Variants in RABEP2 observed in about 807,000 individuals in gnomAD.
RABEP2 encodes rab GTPase-binding effector protein 2.
RABEP2 carries 57 observed loss-of-function variants against 74.1 expected under a neutral mutation model. The ratio of observed to expected loss-of-function variants is 0.77; its 90% CI spans 0.62 to 0.96. The LOEUF (loss-of-function observed/expected upper bound fraction) is 0.96, where lower values mean the gene tolerates loss of function less well. Among genes scored for constraint, RABEP2 ranks in the 40% least tolerant of loss-of-function variants. The pLI is 0.00. For synonymous variants in RABEP2, 351 were observed against 344.0 expected (o/e 1.02, Z -0.23); for missense variants, 692 against 756.3 (o/e 0.91, Z 1.00).
intron 5 of RABEP2, among the ~76,000 whole-genome samples, chr16:28,912,253 A>C (rs1964324318): frequency 6.6e-6 from 1 of 151,680 alleles, no homozygotes. Flanking sequence ...TCTCAAAAAA[A>C]AAAAAAGTGG....
At chr16:28,920,315 T>G (rs1199001735) in intron 2 of RABEP2, among the ~76,000 whole-genome samples, 1 of 151,672 alleles carries the variant, frequency 6.6e-6, no homozygotes, top group Non-Finnish European at 1.5e-5. Context: ...TTCCTATTAA[T>G]ATATACCAGG....
chr16:28,913,348 G>A (rs1163444430), intron 5 of RABEP2, among the ~76,000 whole-genome samples: 1 of 151,908 alleles, frequency 6.6e-6, no homozygotes, highest in Non-Finnish European at 1.5e-5. Flanking sequence ...TTTTTCTCTG[G>A]GCATCTCCCT....
At position 28,904,878 on chromosome 16, in the gene RABEP2, G is replaced by A. The variant is rs116913867; in HGVS notation, c.*65C>T. 2,355 of 1,230,350 alleles carry A rather than the reference G, an allele frequency of 1.9e-3. 48 individuals are homozygous for A. In the East Asian group the frequency reaches 0.04, roughly 21 times the overall value. The allele number at this position is 1,230,350 out of a possible 1,614,324, so 76.2% of individuals were successfully genotyped here. On this transcript the variant is annotated 3_prime_UTR_variant, in exon 13 of 13. Coordinates refer to ENST00000358201, the MANE Select transcript of RABEP2 (RefSeq NM_024816.3). ...AAGCCATCCAAGACCCCAGAGCGAG[G>A]CCTCATGGTTCAGGAGTGGGGAAAG...
chr16:28,912,687 A>G (rs1268029897), intron 5 of RABEP2, among the ~76,000 whole-genome samples: 6 of 152,058 alleles, frequency 3.9e-5, no homozygotes, highest in African/African-American at 1.2e-4. Flanking sequence ...TGCTGAGATT[A>G]CACGCGTGAG....
At position 28,918,655 on chromosome 16, in the gene RABEP2, C is replaced by CT. The variant is rs998801875; in HGVS notation, c.432+1130dup. ...AATAAATAAAACCAGTCTGCCTAGA[C>CT]TTTTTTTTTTTTTAAAGAGACAGGG... On this transcript the variant is annotated intron_variant, in intron 3 of 12. Transcript: ENST00000358201. Among the ~76,000 whole-genome samples, 924 of 143,804 alleles carry CT rather than the reference C, an allele frequency of 6.4e-3. 5 individuals carry two copies. Among genetic ancestry groups the CT allele is most frequent in the Admixed American group, 9.6e-3 (138 of 14,314 alleles). 94.3% of individuals were successfully genotyped at this position (143,804 alleles called of 152,430 possible).
Position 28,911,142 on chromosome 16 carries a change from C to T in RABEP2, c.932G>A (p.Arg311His), listed in dbSNP as rs1413246301. Residue 311 changes from arginine (R) to histidine (H), a missense_variant, in exon 6 of 13, where the codon CGC becomes CAC. Physicochemically the swap from Arg to His is conservative, Grantham distance 29 (BLOSUM62 0). Transcript: ENST00000358201. The stretch of plus-strand genomic sequence containing the variant: ...GCCCTCTTGGAGCTCGTCCCGCTCG[C>T]GACTGACGCTCTCCAGGTCCTTCTG... ...QLQKDLESVS[R>H]ERDELQEGLR... is the part of the protein sequence containing the mutation. The T allele has an allele frequency of 5.0e-6, 8 of 1,612,430 alleles. No individual in the cohort carries two copies. The highest frequency in any genetic ancestry group is 1.1e-5 in the South Asian group (1 of 91,082).
intron 3 of RABEP2, among the ~76,000 whole-genome samples, chr16:28,917,103 A>G (rs190972211): frequency 7.6e-4 from 115 of 152,240 alleles, no homozygotes; most frequent in African/African-American, 2.6e-3. Flanking sequence ...TATCACCACC[A>G]TAGAGCTGAC....
At chr16:28,911,659 A>AG in intron 5 of RABEP2, among the ~76,000 whole-genome samples, 1 of 151,334 alleles carries the variant, frequency 6.6e-6, no homozygotes, top group Non-Finnish European at 1.5e-5. Context: ...AAAAAGAGAA[A>AG]AAAAAAAAAA....
At position 28,914,322 on chromosome 16, in the gene RABEP2, C is replaced by T. The variant is rs756412194; in HGVS notation, c.808G>A (p.Gly270Ser). Reference protein sequence around the residue: ...QEETASLVSTGTLVPEGIYLP... With the variant: ...QEETASLVSTSTLVPEGIYLP... Reference sequence around the variant, plus strand: ...TAGATGCCCTCGGGAACCAGGGTGCCCGTAGACACCAGCGAGGCCGTCTCT... The same window carrying T: ...TAGATGCCCTCGGGAACCAGGGTGCTCGTAGACACCAGCGAGGCCGTCTCT... Residue 270 changes from glycine to serine, a missense_variant, in exon 5 of 13, where the codon GGC (glycine) becomes AGC (serine). Coordinates refer to ENST00000358201, the MANE Select transcript of RABEP2 (RefSeq NM_024816.3). 3.7e-6 allele frequency: 6 copies of T among 1,613,254 alleles called. No individual in the cohort carries two copies. The South Asian group carries it at 6.6e-5, about 18-fold the overall frequency.
chr16:28,908,479 T>C, intron 8 of RABEP2, 130 bp downstream of exon 8: 1 of 955,342 alleles, frequency 1.0e-6, no homozygotes, highest in Non-Finnish European at 1.5e-6. Context: ...AACTGAGCCT[T>C]AGAGAAGGCA....
intron 3 of RABEP2, among the ~76,000 whole-genome samples, chr16:28,918,154 A>G (rs924369290): frequency 7.5e-6 from 1 of 133,936 alleles, no homozygotes; most frequent in African/African-American, 2.9e-5. Context: ...ATCTCGGCTC[A>G]CTGCAAGCTC....
intron 8 of RABEP2, 137 bp from the exon 9 acceptor site, chr16:28,906,333 C>A: frequency 8.6e-7 from 1 of 1,164,406 alleles, no homozygotes; most frequent in Non-Finnish European, 1.2e-6. Context: ...TGGGGAAGAG[C>A]CCAAAATGCC....
chr16:28,919,499 T>C (rs1596703551), intron 3 of RABEP2, among the ~76,000 whole-genome samples: 1 of 152,218 alleles, frequency 6.6e-6, no homozygotes. Context: ...GAAGTCAATA[T>C]TTAATAACAG....
chr16:28,910,995 G>A lies in RABEP2; in HGVS notation c.991-9C>T. 2 of 1,610,298 alleles carry A rather than the reference G, an allele frequency of 1.2e-6. No individual in the cohort carries two copies. Among genetic ancestry groups the A allele is most frequent in the Non-Finnish European group, 1.7e-6 (2 of 1,177,532 alleles). ...GCCAGGAGCACCTGCATCTGGGTTG[G>A]AGGGAGGGCGAAAGTGAGGGCAAGG... is the stretch of plus-strand genomic sequence containing the variant. On this transcript the variant is annotated splice_polypyrimidine_tract_variant and intron_variant, in intron 6 of 12. Transcript: ENST00000358201.
intron 5 of RABEP2, among the ~76,000 whole-genome samples, chr16:28,911,670 A>C (rs955077268): frequency 2.0e-5 from 3 of 151,106 alleles, no homozygotes; most frequent in South Asian, 2.1e-4. Flanking sequence ...AAAAAAAAAA[A>C]AACAGGGCCA....
intron 3 of RABEP2, among the ~76,000 whole-genome samples, chr16:28,918,780 T>G (rs1454123992): frequency 1.3e-5 from 2 of 151,980 alleles, no homozygotes; most frequent in Admixed American, 6.6e-5. Context: ...GCCTCTTGAG[T>G]AGCTGGGACT....
chr16:28,905,997 G>A (rs1361317701), intron 9 of RABEP2, 22 bp downstream of exon 9: 1 of 1,609,242 alleles, frequency 6.2e-7, no homozygotes, highest in Non-Finnish European at 8.5e-7. Flanking sequence ...CCGGGGCTGG[G>A]GGCTTGTGCC....
chr16:28,910,028 CA>C (rs779404464), intron 7 of RABEP2, among the ~76,000 whole-genome samples: 14,033 of 69,316 alleles, frequency 0.2, 377 homozygotes, highest in East Asian at 0.22. Flanking sequence ...GACTCCGTCT[CA>C]AAAAAAAAAA....
In RABEP2 at chr16:28,919,865, T is replaced by G; in HGVS notation, c.353A>C (p.Lys118Thr). 1 of 1,612,282 alleles carries G rather than the reference T, an allele frequency of 6.2e-7. No individual in the cohort carries two copies. Among genetic ancestry groups the G allele is most frequent in the Non-Finnish European group, 8.5e-7 (1 of 1,179,164 alleles). ...CTTCAGGCGGCCCAGCTCCCGCTCC[T>G]TCTCCTCACAGTCCTGCTGCTGCTG... ...RQQQQQDCEE[K>T]ERELGRLKQL... The change falls in exon 3 of 13, where the codon AAG becomes ACG. Residue 118 changes from lysine to threonine, a missense_variant. Coordinates refer to ENST00000358201, the MANE Select transcript of RABEP2 (RefSeq NM_024816.3).
Sources: gnomAD v4.1 joint callset for allele counts (sites outside exome capture counted in the v4.1 genomes callset) on GRCh38, gnomAD v4.1.1 for gene constraint, MANE v1.5 for transcripts, NCBI Gene and HGNC (gene_info 2026-07-23, HGNC 2026-07-21) for gene names.